The following SYT14 variants were observed in gnomAD, a reference collection of about 807,000 sequenced individuals.
The protein encoded by SYT14 is synaptotagmin-14.
A neutral mutation model predicts 74.2 loss-of-function variants in SYT14; 32 were observed. That is an observed-to-expected ratio of 0.43 (90% CI 0.33 to 0.58). The LOEUF (loss-of-function observed/expected upper bound fraction) is 0.58. Among genes scored for constraint, SYT14 ranks in the 20% least tolerant of loss-of-function variants. SYT14 has a pLI of 0.05. For synonymous variants in SYT14, 298 were observed against 337.7 expected (o/e 0.88, Z 1.29); for missense variants, 791 against 981.8 (o/e 0.81, Z 2.60).
chr1:210,034,176 T>C (rs2080602974), intron 5 of SYT14, among the ~76,000 whole-genome samples: 1 of 151,758 alleles, frequency 6.6e-6, no homozygotes, highest in Admixed American at 6.6e-5. Context: ...ATGAGGAAAC[T>C]GAAGCACAAT....
intron 7 of SYT14, among the ~76,000 whole-genome samples, chr1:210,135,363 A>G (rs1199512796): frequency 6.6e-6 from 1 of 152,124 alleles, no homozygotes; most frequent in Non-Finnish European, 1.5e-5. Flanking sequence ...TGTCCTGTGC[A>G]ATGTCTATGT....
chr1:210,059,451 T>TATATATATATATATATAGAGAGAGAGAG (rs377050610), intron 5 of SYT14, among the ~76,000 whole-genome samples: 4 of 69,900 alleles, frequency 5.7e-5, no homozygotes, highest in African/African-American at 3.1e-4. Context: ...TATATATATA[T>TATATATATATATATATAGAGAGAGAGAG]AGAGAGAGAG....
At chr1:210,095,821 G>T (rs1411952780) in intron 6 of SYT14, among the ~76,000 whole-genome samples, 5 of 152,024 alleles carry the variant, frequency 3.3e-5, no homozygotes, top group Non-Finnish European at 7.4e-5. Context: ...TGACCGAGAA[G>T]AAAATTGTAT....
chr1:210,130,129 C>T (rs933324937), intron 7 of SYT14, among the ~76,000 whole-genome samples: 1 of 152,078 alleles, frequency 6.6e-6, no homozygotes, highest in African/African-American at 2.4e-5. Flanking sequence ...ACTGTTTTTT[C>T]CAAAACTGCT....
intron 5 of SYT14, among the ~76,000 whole-genome samples, chr1:210,031,433 A>G (rs1335305704): frequency 5.9e-5 from 9 of 152,010 alleles, no homozygotes; most frequent in Non-Finnish European, 1.5e-5. Context: ...GCCTCATAGG[A>G]TGAGTTAGGA....
At chr1:210,018,821 G>T (rs1410902621) in intron 4 of SYT14, among the ~76,000 whole-genome samples, 4 of 152,012 alleles carry the variant, frequency 2.6e-5, no homozygotes, top group African/African-American at 9.7e-5. Flanking sequence ...TCCAGGTTCT[G>T]ACACAGGGTT....
At chr1:210,143,080 A>G (rs2082953341) in intron 7 of SYT14, among the ~76,000 whole-genome samples, 1 of 152,152 alleles carries the variant, frequency 6.6e-6, no homozygotes, top group Non-Finnish European at 1.5e-5. Flanking sequence ...ATAACACTCT[A>G]TTAGAGGAGT....
chr1:209,965,791 G>GA (rs1396499826), intron 2 of SYT14: 6 of 393,406 alleles, frequency 1.5e-5, no homozygotes, highest in African/African-American at 6.4e-5. Context: ...CTCATTTTTT[G>GA]AAAAAAACTA....
At position 210,026,037 on chromosome 1, in the gene SYT14, G is replaced by A. The variant is rs181288632; in HGVS notation, c.1312+4783G>A. Among the ~76,000 whole-genome samples the A allele has an allele frequency of 5.7e-3, 866 of 151,852 alleles. 10 individuals carry two copies. The highest frequency in any genetic ancestry group is 8.6e-3 in the Non-Finnish European group (586 of 67,964). On this transcript the variant is annotated intron_variant, in intron 5 of 9. Coordinates refer to ENST00000637265, the Ensembl canonical transcript of SYT14. ...CATATTCTAGAAAAAGTAGGAAAAT[G>A]TAATGGCATATTTGTTGATCATGTT...
At chr1:209,995,264 C>G (rs2079767202) in intron 2 of SYT14, among the ~76,000 whole-genome samples, 1 of 152,236 alleles carries the variant, frequency 6.6e-6, no homozygotes, top group South Asian at 2.1e-4. Flanking sequence ...CCTCTTGTGA[C>G]ACCTGTAGGC....
intron 5 of SYT14, among the ~76,000 whole-genome samples, chr1:210,059,336 T>C (rs1361012006): frequency 6.6e-6 from 1 of 151,146 alleles, no homozygotes; most frequent in Non-Finnish European, 1.5e-5. Context: ...ATTTGGGAAT[T>C]AATTTGATGG....
rs546676070 is a variant in SYT14 at position 210,154,594 on chromosome 1, C to T, written c.2035-1127C>T. On this transcript the variant is annotated intron_variant, in intron 7 of 9. Coordinates refer to ENST00000637265, the Ensembl canonical transcript of SYT14. ...TTTTTCATTCCTGATCATTGTTATT[C>T]GTCCCTTTTTTCTTAATTGGACTCT... Among the ~76,000 whole-genome samples the T allele has an allele frequency of 1.1e-4, 17 of 152,002 alleles. No individual in the cohort carries two copies. In the East Asian group the frequency reaches 1.7e-3, roughly 16 times the overall value.
intron 2 of SYT14, among the ~76,000 whole-genome samples, chr1:209,977,964 C>T (rs1488495549): frequency 6.6e-6 from 1 of 152,110 alleles, no homozygotes; most frequent in Non-Finnish European, 1.5e-5. Context: ...CTTGATCTTC[C>T]ATCACTGATA....
intron 2 of SYT14, among the ~76,000 whole-genome samples, chr1:209,961,197 T>C (rs1453908773): frequency 2.0e-5 from 3 of 152,166 alleles, no homozygotes; most frequent in African/African-American, 7.2e-5. Flanking sequence ...CAGTTATTTC[T>C]TTTGGGAACA....
intron 2 of SYT14, 28 bp downstream of exon 2, chr1:209,952,784 A>G (rs762254814): frequency 2.5e-6 from 4 of 1,579,200 alleles, no homozygotes; most frequent in Admixed American, 1.7e-5. Context: ...ATGGCTATTT[A>G]CATACTAAAT....
intron 5 of SYT14, among the ~76,000 whole-genome samples, chr1:210,049,840 T>A (rs2080958883): frequency 1.3e-5 from 2 of 152,134 alleles, no homozygotes. Context: ...GGAGCAGCTG[T>A]GATGCAGGGT....
intron 7 of SYT14, among the ~76,000 whole-genome samples, chr1:210,109,076 A>G (rs1400294786): frequency 6.6e-6 from 1 of 152,168 alleles, no homozygotes; most frequent in Admixed American, 6.6e-5. Context: ...GTTGAAGTGT[A>G]AGAAGGTTGA....
At chr1:209,982,947 T>G (rs187101183) in intron 2 of SYT14, among the ~76,000 whole-genome samples, 1 of 152,312 alleles carries the variant, frequency 6.6e-6, no homozygotes, top group Non-Finnish European at 1.5e-5. Flanking sequence ...TGATAACAGA[T>G]GTTGTGGAGT....
chr1:210,087,308 T>C (rs1266787902), intron 5 of SYT14, among the ~76,000 whole-genome samples: 1 of 152,192 alleles, frequency 6.6e-6, no homozygotes, highest in African/African-American at 2.4e-5. Flanking sequence ...CACCTTACCC[T>C]GCTCAGGCTC....
Sources: allele counts gnomAD v4.1 joint callset (sites outside exome capture counted in the v4.1 genomes callset), GRCh38; gene constraint gnomAD v4.1.1; transcripts MANE v1.5; gene names NCBI Gene and HGNC (gene_info 2026-07-23, HGNC 2026-07-21).